The following STK3 variants were observed in gnomAD, a reference collection of about 807,000 sequenced individuals.
STK3 encodes serine/threonine kinase 3.
Under a neutral mutation model 58.0 loss-of-function variants are expected in STK3, and 41 were observed. The observed-to-expected ratio is 0.71, with a 90% CI of 0.55 to 0.92. The LOEUF is 0.92. Ranked by LOEUF, STK3 falls within the 40% of genes least tolerant of loss-of-function variation. The pLI is 0.00. For synonymous variants in STK3, 170 were observed against 191.0 expected (o/e 0.89, Z 0.91); for missense variants, 479 against 602.7 (o/e 0.79, Z 2.15).
At chr8:98,836,856 A>G (rs1835766396) in intron 3 of STK3, among the ~76,000 whole-genome samples, 1 of 152,230 alleles carries the variant, frequency 6.6e-6, no homozygotes, top group South Asian at 2.1e-4. Flanking sequence ...AGAAGCTTAA[A>G]GAGCTTTTGT....
chr8:98,369,817 G>T (rs962765413), downstream of STK3, among the ~76,000 whole-genome samples: 1 of 152,172 alleles, frequency 6.6e-6, no homozygotes, highest in Non-Finnish European at 1.5e-5. Flanking sequence ...TATTAAAAAG[G>T]TTTATTGCTC....
chr8:98,901,702 C>G (rs541114133), intron 1 of STK3, among the ~76,000 whole-genome samples: 2 of 152,212 alleles, frequency 1.3e-5, no homozygotes, highest in African/African-American at 2.4e-5. Context: ...TTGGGATGAC[C>G]GAAGCCTCTG....
At chr8:98,816,450 G>A (rs1417746935) in intron 1 of STK3, among the ~76,000 whole-genome samples, 7 of 152,260 alleles carry the variant, frequency 4.6e-5, no homozygotes, top group African/African-American at 1.7e-4. Flanking sequence ...GGGTCAGGCT[G>A]TAGTGAGCTG....
intron 10 of STK3, among the ~76,000 whole-genome samples, chr8:98,513,550 G>T (rs909230463): frequency 6.6e-6 from 1 of 152,174 alleles, no homozygotes; most frequent in Non-Finnish European, 1.5e-5. Flanking sequence ...TATGTCCCTA[G>T]AAGTTGGGGA....
chr8:98,831,836 C>T (rs1007463665), intron 3 of STK3, among the ~76,000 whole-genome samples: 3 of 152,154 alleles, frequency 2.0e-5, no homozygotes, highest in African/African-American at 7.2e-5. Flanking sequence ...TCATAACAAT[C>T]TTAAACTATT....
chr8:98,869,775 A>G (rs67954509), intron 3 of STK3, among the ~76,000 whole-genome samples: 9,954 of 151,114 alleles, frequency 0.066, 497 homozygotes, highest in African/African-American at 0.13. Context: ...AAACAGAAAT[A>G]AATATCATTG....
chr8:98,687,497 C>G (rs1037387990), intron 6 of STK3, among the ~76,000 whole-genome samples: 2 of 152,184 alleles, frequency 1.3e-5, no homozygotes, highest in African/African-American at 4.8e-5. Context: ...CGGTTCCTAA[C>G]AGTTCATGGA....
the STK3 span, among the ~76,000 whole-genome samples, chr8:98,358,923 C>A: frequency 5.9e-5 from 9 of 152,278 alleles, no homozygotes; most frequent in Non-Finnish European, 1.3e-4. Flanking sequence ...CACCCCTGAG[C>A]TGGACTGCAG....
intron 3 of STK3, among the ~76,000 whole-genome samples, chr8:98,859,677 AGCTGGCCATCCAGGGCAT>A (rs1836855966): frequency 6.6e-6 from 1 of 152,188 alleles, no homozygotes; most frequent in Non-Finnish European, 1.5e-5. Flanking sequence ...GAATAGAAGG[AGCTGGCCATCCAGGGCAT>A]GCTTTTCTAC....
At chr8:98,693,645 T>C (rs1343519946) in intron 6 of STK3, among the ~76,000 whole-genome samples, 3 of 152,216 alleles carry the variant, frequency 2.0e-5, no homozygotes, top group Non-Finnish European at 2.9e-5. Context: ...CATTCACCAC[T>C]GTGTTAAATC....
At chr8:98,514,379 AT>A (rs1460629124) in intron 10 of STK3, among the ~76,000 whole-genome samples, 1 of 152,132 alleles carries the variant, frequency 6.6e-6, no homozygotes, top group African/African-American at 2.4e-5. Flanking sequence ...AAAAAAAGTA[AT>A]TTCAGATATA....
At chr8:98,676,056 A>G (rs950617882) in intron 6 of STK3, among the ~76,000 whole-genome samples, 15 of 152,244 alleles carry the variant, frequency 9.9e-5, no homozygotes, top group Non-Finnish European at 1.8e-4. Context: ...GACAGTTACT[A>G]CAAGATGAAT....
intron 4 of STK3, among the ~76,000 whole-genome samples, chr8:98,747,785 A>T (rs1456353379): frequency 2.6e-5 from 4 of 152,150 alleles, no homozygotes; most frequent in Non-Finnish European, 5.9e-5. Context: ...TCATATATGG[A>T]AATTAGACTC....
chr8:98,745,607 C>G (rs1397366732), intron 4 of STK3, among the ~76,000 whole-genome samples: 1 of 151,890 alleles, frequency 6.6e-6, no homozygotes, highest in Non-Finnish European at 1.5e-5. Context: ...GCAATAAGGG[C>G]TGCTTTTCCC....
chr8:98,837,545 A>C (rs1447206287), intron 3 of STK3, among the ~76,000 whole-genome samples: 1 of 152,202 alleles, frequency 6.6e-6, no homozygotes, highest in Non-Finnish European at 1.5e-5. Context: ...ACAGCCACAG[A>C]GCTAAGGAAG....
At chr8:98,536,075 C>T (rs1002483571) in intron 9 of STK3, among the ~76,000 whole-genome samples, 5 of 152,146 alleles carry the variant, frequency 3.3e-5, no homozygotes, top group Non-Finnish European at 7.3e-5. Flanking sequence ...GGAATCTACT[C>T]TTCCAACCCC....
intron 3 of STK3, chr8:98,429,169 C>A: frequency 1.2e-6 from 2 of 1,613,622 alleles, no homozygotes; most frequent in Non-Finnish European, 1.7e-6. Context: ...TGCATCTTGG[C>A]AGGCATCCTC....
intron 7 of STK3, among the ~76,000 whole-genome samples, chr8:98,587,427 C>T (rs1264440310): frequency 2.0e-5 from 3 of 152,068 alleles, no homozygotes; most frequent in Non-Finnish European, 4.4e-5. Context: ...ATTCTTAATC[C>T]TGAGTTCTAG....
At chr8:98,861,344 ATTTTTTTTTT>A (rs772895902) in intron 3 of STK3, among the ~76,000 whole-genome samples, 2 of 85,922 alleles carry the variant, frequency 2.3e-5, no homozygotes, top group African/African-American at 9.6e-5. Context: ...GTTTCTTTGG[ATTTTTTTTTT>A]TTTTTTTTTT....
Sources: gnomAD v4.1 joint callset for allele counts (sites outside exome capture counted in the v4.1 genomes callset) on GRCh38, gnomAD v4.1.1 for gene constraint, MANE v1.5 for transcripts, NCBI Gene and HGNC (gene_info 2026-07-23, HGNC 2026-07-21) for gene names.